The following EDARADD variants were observed in gnomAD, a reference collection of about 807,000 sequenced individuals.
EDARADD encodes the protein ectodysplasin-A receptor-associated adapter protein.
Under a neutral mutation model 25.6 loss-of-function variants are expected in EDARADD, and 20 were observed. The observed-to-expected ratio is 0.78, with a 90% CI of 0.55 to 1.14. The LOEUF is 1.14. Ranked by LOEUF, EDARADD falls within the 50% of genes most tolerant of loss-of-function variation. The pLI, the probability that EDARADD is intolerant of heterozygous loss-of-function variation, is 0.00. For synonymous variants in EDARADD, 86 were observed against 94.4 expected (o/e 0.91, Z 0.52); for missense variants, 225 against 270.1 (o/e 0.83, Z 1.17).
rs1659738840 is a variant in EDARADD, at chr1:236,483,431, G to C, written c.*782G>C. The stretch of plus-strand genomic sequence containing the variant: ...AACTGAACGTCACAGAACAAGAGAA[G>C]ATTGACAAACTTATGATAGAGATGG... On this transcript the variant is annotated 3_prime_UTR_variant, in exon 6 of 6. Transcript: ENST00000334232. 1 of 1,128,542 alleles carries C rather than the reference G, an allele frequency of 8.9e-7. No homozygotes were observed. The highest frequency in any genetic ancestry group is 1.7e-5 in the Admixed American group (1 of 59,038). 69.9% of individuals were successfully genotyped at this position (1,128,542 alleles called of 1,614,324 possible).
At chr1:236,452,448 A>C (rs953122352) in intron 4 of EDARADD, among the ~76,000 whole-genome samples, 58 of 152,216 alleles carry the variant, frequency 3.8e-4, no homozygotes, top group African/African-American at 1.4e-3. Context: ...TTCTCACGAC[A>C]GTGAGTGAGT....
chr1:236,424,594 C>T (rs1164676062), intron 3 of EDARADD, among the ~76,000 whole-genome samples: 1 of 152,114 alleles, frequency 6.6e-6, no homozygotes, highest in Admixed American at 6.5e-5. Context: ...CCCAGAGAAC[C>T]TCAAATCAGT....
chr1:236,464,423 CTTTTTTTTTTTTT>C (rs35064410), intron 4 of EDARADD, among the ~76,000 whole-genome samples: 3 of 72,982 alleles, frequency 4.1e-5, no homozygotes, highest in East Asian at 5.2e-4. Flanking sequence ...CTTGCTGCAA[CTTTTTTTTTTTTT>C]TTTTTTTTTT....
At chr1:236,437,724 T>C (rs1658295346) in intron 4 of EDARADD, among the ~76,000 whole-genome samples, 1 of 149,982 alleles carries the variant, frequency 6.7e-6, no homozygotes, top group Non-Finnish European at 1.5e-5. Flanking sequence ...ACTCAAGGTG[T>C]CGGCAGGGTT....
intron 3 of EDARADD, among the ~76,000 whole-genome samples, chr1:236,383,171 T>A (rs1277440475): frequency 2.0e-5 from 3 of 151,920 alleles, no homozygotes; most frequent in Non-Finnish European, 2.9e-5. Context: ...AAGATGGACA[T>A]ATCACCTGAG....
intron 5 of EDARADD, among the ~76,000 whole-genome samples, chr1:236,472,410 G>C (rs1294821663): frequency 6.6e-6 from 1 of 152,146 alleles, no homozygotes; most frequent in African/African-American, 2.4e-5. Context: ...CTAATTAATC[G>C]GGATCTCCGA....
chr1:236,447,609 G>A (rs947632704), intron 4 of EDARADD, among the ~76,000 whole-genome samples: 15 of 152,142 alleles, frequency 9.9e-5, no homozygotes, highest in African/African-American at 3.6e-4. Context: ...TGTTAAGCGG[G>A]AGGGGTCAGC....
chr1:236,479,381 G>A (rs1240945277), intron 5 of EDARADD, among the ~76,000 whole-genome samples: 3 of 151,876 alleles, frequency 2.0e-5, no homozygotes, highest in African/African-American at 7.3e-5. Flanking sequence ...TGTGGTCCCA[G>A]CTACTCAGGA....
upstream of EDARADD, among the ~76,000 whole-genome samples, chr1:236,390,893 C>G (rs192761509): frequency 6.6e-6 from 1 of 151,948 alleles, no homozygotes; most frequent in African/African-American, 2.4e-5. Context: ...AAATGTTTCA[C>G]TCCTGCTCCT....
intron 1 of EDARADD, among the ~76,000 whole-genome samples, chr1:236,397,900 A>C (rs920888301): frequency 7.2e-5 from 11 of 152,114 alleles, no homozygotes; most frequent in African/African-American, 2.7e-4. Context: ...TGCAACCCAC[A>C]GGAGACATCC....
At chr1:236,453,278 C>CTTTT (rs71672500) in intron 4 of EDARADD, among the ~76,000 whole-genome samples, 1 of 133,882 alleles carries the variant, frequency 7.5e-6, no homozygotes, top group African/African-American at 2.8e-5. Flanking sequence ...TTCTTTTTTT[C>CTTTT]TTTTTTTTTT....
At chr1:236,407,191 C>T (rs1667752745) in intron 1 of EDARADD, among the ~76,000 whole-genome samples, 1 of 152,156 alleles carries the variant, frequency 6.6e-6, no homozygotes, top group Non-Finnish European at 1.5e-5. Flanking sequence ...TCCCTTGAGA[C>T]CCAGCAGCCC....
rs573224594 is a variant in EDARADD at position 236,366,951 on chromosome 1, C to T, written c.-6+16112C>T. On this transcript the variant is annotated intron_variant, in intron 3 of 7. Transcript: ENST00000439430. ...AATTAGCCGGGCATGGTGGCACGCA[C>T]CAGTAGTCCCAGCTACTCAGGACGC... is the stretch of plus-strand genomic sequence containing the variant. Among the ~76,000 whole-genome samples, 122 of 151,866 alleles carry T rather than the reference C, an allele frequency of 8.0e-4. 1 individual carries two copies. Among genetic ancestry groups the T allele is most frequent in the African/African-American group, 2.8e-3 (116 of 41,446 alleles).
intron 4 of EDARADD, among the ~76,000 whole-genome samples, chr1:236,460,467 T>G (rs1404206966): frequency 6.6e-6 from 1 of 152,154 alleles, no homozygotes; most frequent in Non-Finnish European, 1.5e-5. Flanking sequence ...ATTACAGGAA[T>G]GAGCCACCAT....
At chr1:236,432,188 C>T (rs1490514662) in intron 4 of EDARADD, among the ~76,000 whole-genome samples, 2 of 152,076 alleles carry the variant, frequency 1.3e-5, no homozygotes, top group African/African-American at 4.8e-5. Context: ...CACCTGTAAT[C>T]CCAGCACTTT....
chr1:236,382,721 A>C (rs1667315128), intron 3 of EDARADD, among the ~76,000 whole-genome samples: 1 of 152,202 alleles, frequency 6.6e-6, no homozygotes, highest in African/African-American at 2.4e-5. Flanking sequence ...TCCACTATTC[A>C]GGCAAGACCC....
At chr1:236,448,553 C>T (rs1658627010) in intron 4 of EDARADD, among the ~76,000 whole-genome samples, 1 of 152,144 alleles carries the variant, frequency 6.6e-6, no homozygotes, top group South Asian at 2.1e-4. Context: ...ATATTAACTC[C>T]CCCCAAAATA....
intron 4 of EDARADD, among the ~76,000 whole-genome samples, chr1:236,447,286 C>T (rs1053356488): frequency 6.7e-6 from 1 of 148,670 alleles, no homozygotes; most frequent in Non-Finnish European, 1.5e-5. Flanking sequence ...TTGATGGAGT[C>T]TCACTCTGTC....
At chr1:236,405,241 A>T (rs1667686283) in intron 1 of EDARADD, among the ~76,000 whole-genome samples, 1 of 152,162 alleles carries the variant, frequency 6.6e-6, no homozygotes, top group Admixed American at 6.5e-5. Flanking sequence ...TGTCTTTCTC[A>T]TCTTAAGTTC....
Sources: gnomAD v4.1 joint callset for allele counts (sites outside exome capture counted in the v4.1 genomes callset) on GRCh38, gnomAD v4.1.1 for gene constraint, MANE v1.5 for transcripts, NCBI Gene and HGNC (gene_info 2026-07-23, HGNC 2026-07-21) for gene names.